Variants in FBRSL1 observed in about 807,000 individuals in gnomAD.
The protein encoded by FBRSL1 is fibrosin-1-like protein.
FBRSL1 carries 51 observed loss-of-function variants against 89.6 expected under a neutral mutation model. The observed-to-expected ratio is 0.57, with a 90% confidence interval of 0.45 to 0.72. FBRSL1 has a LOEUF of 0.72. Among genes scored for constraint, FBRSL1 ranks in the 30% least tolerant of loss-of-function variants. The pLI is 0.00. For missense variants in FBRSL1, 1,618 were observed against 1,451.8 expected (o/e 1.11, Z -1.86); for synonymous variants, 779 against 681.1 (o/e 1.14, Z -2.24).
chr12:132,564,955 C>T (rs763408284), intron 5 of FBRSL1: 1 of 152,178 alleles, frequency 6.6e-6, no homozygotes, highest in Non-Finnish European at 1.5e-5. Flanking sequence ...GGTTGGAGAG[C>T]TGTGGGTCTC....
At chr12:132,532,637 A>G (rs987768866) in intron 4 of FBRSL1, among the ~76,000 whole-genome samples, 3 of 151,456 alleles carry the variant, frequency 2.0e-5, no homozygotes, top group Non-Finnish European at 1.5e-5. Context: ...CCGGGCATGC[A>G]CACAGGGAGA....
chr12:132,509,933 G>C (rs1415497189), intron 2 of FBRSL1: 3 of 1,231,336 alleles, frequency 2.4e-6, no homozygotes, highest in South Asian at 4.1e-5. Context: ...CCCCGTGTCA[G>C]TACGGCCAGC....
At chr12:132,536,103 G>GCATGTGTACATGACAGTGTGC (rs2036710412) in intron 4 of FBRSL1, among the ~76,000 whole-genome samples, 5 of 143,296 alleles carry the variant, frequency 3.5e-5, no homozygotes, top group African/African-American at 1.3e-4. Flanking sequence ...GTGTGTGTGT[G>GCATGTGTACATGACAGTGTGC]CATGTGTACA....
intron 4 of FBRSL1, among the ~76,000 whole-genome samples, chr12:132,544,987 C>T (rs2037565080): frequency 6.6e-6 from 1 of 152,228 alleles, no homozygotes. Flanking sequence ...ATCCTATGAG[C>T]TGTAAGGGAC....
chr12:132,574,381 G>C, intron 13 of FBRSL1, 33 bp downstream of exon 13: 1 of 1,549,868 alleles, frequency 6.5e-7, no homozygotes, highest in South Asian at 1.2e-5. Context: ...CGTGGCAAGG[G>C]AGGACTCTGG....
intron 1 of FBRSL1, among the ~76,000 whole-genome samples, chr12:132,503,465 G>T (rs1047504452): frequency 6.6e-6 from 1 of 152,274 alleles, no homozygotes; most frequent in African/African-American, 2.4e-5. Context: ...CGCCCTGGGC[G>T]GGGGGAGATG....
At chr12:132,582,496 G>C (rs1046212907) in intron 18 of FBRSL1, among the ~76,000 whole-genome samples, 2 of 151,568 alleles carry the variant, frequency 1.3e-5, no homozygotes, top group African/African-American at 2.4e-5. Context: ...TGAGCCCCGG[G>C]GTACGGGGGC....
chr12:132,548,995 G>A (rs1209413332), intron 5 of FBRSL1, among the ~76,000 whole-genome samples: 5 of 152,328 alleles, frequency 3.3e-5, no homozygotes, highest in Admixed American at 2.6e-4. Context: ...ACTGTGGCCC[G>A]TGGCCTGGCA....
intron 5 of FBRSL1, among the ~76,000 whole-genome samples, chr12:132,559,724 C>T (rs941762109): frequency 3.9e-5 from 6 of 152,202 alleles, no homozygotes; most frequent in African/African-American, 1.2e-4. Flanking sequence ...TCAGTTTCCC[C>T]TTCTGGGAGC....
At chr12:132,560,984 G>A (rs1224693537) in intron 5 of FBRSL1, among the ~76,000 whole-genome samples, 1 of 152,192 alleles carries the variant, frequency 6.6e-6, no homozygotes, top group Non-Finnish European at 1.5e-5. Context: ...CTGAGGGACC[G>A]CGTGGAGGAA....
chr12:132,508,162 G>A lies in FBRSL1; in HGVS notation c.301G>A (p.Ala101Thr). Residue 101 changes from alanine to threonine, a missense_variant, in exon 2 of 19, where the codon GCC (alanine) becomes ACC (threonine). By Grantham distance (58) the Ala-to-Thr change is moderately conservative (BLOSUM62 0). Coordinates refer to ENST00000680143, the MANE Select transcript of FBRSL1 (RefSeq NM_001367871.1). ...CCCTGTCTCCCTGCAGAAGGATATG[G>A]CCCTGAAGCCACATGAGCGGAAGGA... is the stretch of plus-strand genomic sequence containing the variant. ...STLEALEKDM[A>T]LKPHERKEKW... 1 of 1,551,100 alleles carries A rather than the reference G, an allele frequency of 6.4e-7. No homozygotes were observed. The highest frequency in any genetic ancestry group is 8.7e-7 in the Non-Finnish European group (1 of 1,146,928).
Position 132,583,670 on chromosome 12 carries a change from G to T in FBRSL1, c.2901G>T (p.Thr967=). 4 of 1,103,292 alleles carry T rather than the reference G, an allele frequency of 3.6e-6. No individual in the cohort carries two copies. The highest frequency in any genetic ancestry group is 4.4e-6 in the Non-Finnish European group (4 of 904,904). The allele number at this position is 1,103,292 out of a possible 1,614,324, so 68.3% of individuals were successfully genotyped here. A position where few individuals can be genotyped will look rare whatever the true frequency, so the allele number is the denominator to read the frequency against. The change falls in exon 19 of 19, where the codon ACG becomes ACT. Residue 967 remains threonine (T), a synonymous_variant. Coordinates refer to ENST00000680143, the MANE Select transcript of FBRSL1 (RefSeq NM_001367871.1). ...TGGTGACGGCGGCCGGGCCCCCCAC[G>T]CCCCCCGGGCCGCCGCGGAGCCGGA... ...PPLVTAAGPP[T]PPGPPRSRTT...
At chr12:132,547,207 G>A (rs1033226642) in intron 4 of FBRSL1, among the ~76,000 whole-genome samples, 8 of 149,472 alleles carry the variant, frequency 5.4e-5, no homozygotes, top group South Asian at 2.2e-4. Context: ...AACGGAGAAC[G>A]GACAGTCAGT....
chr12:132,561,736 C>T (rs1295426083), intron 5 of FBRSL1, among the ~76,000 whole-genome samples: 5 of 152,186 alleles, frequency 3.3e-5, no homozygotes, highest in Admixed American at 3.3e-4. Context: ...GGCCCGCGTG[C>T]GTGCCAGAGA....
At chr12:132,501,750 G>A (rs749128209) in intron 1 of FBRSL1, among the ~76,000 whole-genome samples, 1 of 152,142 alleles carries the variant, frequency 6.6e-6, no homozygotes, top group African/African-American at 2.4e-5. Flanking sequence ...TGGATTCCTC[G>A]TCCCAGCAGC....
intron 5 of FBRSL1, chr12:132,550,952 A>G (rs1419576751): frequency 1.9e-5 from 4 of 208,314 alleles, no homozygotes; most frequent in African/African-American, 9.1e-5. Flanking sequence ...GCCCATCCAG[A>G]CGCACACAGA....
chr12:132,493,059 G>A (rs1189015659), intron 1 of FBRSL1, among the ~76,000 whole-genome samples: 1 of 152,242 alleles, frequency 6.6e-6, no homozygotes, highest in Non-Finnish European at 1.5e-5. Context: ...AGGGCTGGAT[G>A]CCCCCATTCC....
At chr12:132,519,611 T>G (rs1358567723) in intron 2 of FBRSL1, among the ~76,000 whole-genome samples, 2 of 152,162 alleles carry the variant, frequency 1.3e-5, no homozygotes, top group Non-Finnish European at 2.9e-5. Context: ...CTGTGGGTGC[T>G]AAGAAGTGGC....
chr12:132,560,528 G>A (rs951348378), intron 5 of FBRSL1, among the ~76,000 whole-genome samples: 2 of 152,078 alleles, frequency 1.3e-5, no homozygotes, highest in Non-Finnish European at 2.9e-5. Flanking sequence ...GCCCAGGTGC[G>A]GAATCGGCCA....
Sources: allele counts gnomAD v4.1 joint callset (sites outside exome capture counted in the v4.1 genomes callset), GRCh38; gene constraint gnomAD v4.1.1; transcripts MANE v1.5; gene names NCBI Gene and HGNC (gene_info 2026-07-23, HGNC 2026-07-21).